Variants in CACNA1C observed in about 807,000 individuals in gnomAD.
CACNA1C encodes the protein calcium voltage-gated channel subunit alpha1 C.
CACNA1C carries 30 observed loss-of-function variants against 229.0 expected under a neutral mutation model. That is an observed-to-expected ratio of 0.13 (90% CI 0.10 to 0.18). The LOEUF (loss-of-function observed/expected upper bound fraction) is 0.18, where lower values mean the gene tolerates loss of function less well. Among genes scored for constraint, CACNA1C ranks in the 10% least tolerant of loss-of-function variants. CACNA1C has a pLI of 1.00. For synonymous variants in CACNA1C, 1,114 were observed against 1,132.5 expected (o/e 0.98, Z 0.33); for missense variants, 1,658 against 2,845.0 (o/e 0.58, Z 9.49).
At chr12:2,274,671 G>A (rs984009063) in intron 3 of CACNA1C, among the ~76,000 whole-genome samples, 12 of 152,234 alleles carry the variant, frequency 7.9e-5, no homozygotes, top group Admixed American at 5.2e-4. Flanking sequence ...TGGAACTCAC[G>A]TAGTTTGCCC....
At chr12:2,320,980 A>T (rs1009429860) in intron 3 of CACNA1C, among the ~76,000 whole-genome samples, 28 of 152,302 alleles carry the variant, frequency 1.8e-4, no homozygotes, top group Middle Eastern at 6.8e-3. Flanking sequence ...CCATCACCAC[A>T]CGGATGCTGC....
rs1052328119 is a variant in CACNA1C, at chr12:2,630,991, C to A, written c.3829-3306C>A. ...TCTGTCTGCACATATACAAAGAAAT[C>A]TGGGAGAAAGGGTGACCAGGGGTGC... On this transcript the variant is annotated intron_variant, in intron 29 of 46. Transcript: ENST00000399655. The surrounding 1 kb of genome is among the most constrained non-coding windows in gnomAD (Gnocchi z 5.4). Among the ~76,000 whole-genome samples, 1 of 152,120 alleles carries A rather than the reference C, an allele frequency of 6.6e-6. No individual in the cohort carries two copies. Among genetic ancestry groups the A allele is most frequent in the Non-Finnish European group, 1.5e-5 (1 of 68,026 alleles).
rs1027912324 is a variant in CACNA1C, at chr12:2,215,287, C to T, written c.477+94857C>T. Among the ~76,000 whole-genome samples, 3 of 152,146 alleles carry T rather than the reference C, an allele frequency of 2.0e-5. No individual in the cohort carries two copies. The highest frequency in any genetic ancestry group is 6.5e-5 in the Admixed American group (1 of 15,288). On this transcript the variant is annotated intron_variant, in intron 3 of 46. Transcript: ENST00000399655. This position sits in a 1 kb window ranked among gnomAD's most constrained non-coding sequence, Gnocchi z 5.0. ...TTGTCCTTTGCACTTCCTCATCATTCCCTTTCTGCGAGCTTGCCCACTTGC... is the reference window on the plus strand; with the variant it reads ...TTGTCCTTTGCACTTCCTCATCATTTCCTTTCTGCGAGCTTGCCCACTTGC...
At chr12:2,207,403 C>T (rs2097783312) in intron 3 of CACNA1C, among the ~76,000 whole-genome samples, 2 of 152,168 alleles carry the variant, frequency 1.3e-5, no homozygotes, top group South Asian at 2.1e-4. Flanking sequence ...ATATAATAGA[C>T]ATTATGCTGT....
At chr12:2,305,187 T>C (rs7966042) in intron 3 of CACNA1C, among the ~76,000 whole-genome samples, 9,372 of 152,242 alleles carry the variant, frequency 0.062, 379 homozygotes, top group African/African-American at 0.11. Flanking sequence ...TGGTTTTGCT[T>C]TTGCCCCCTA....
At chr12:2,295,416 C>T (rs991575360) in intron 3 of CACNA1C, among the ~76,000 whole-genome samples, 2 of 152,168 alleles carry the variant, frequency 1.3e-5, no homozygotes, top group African/African-American at 4.8e-5. Context: ...AACGTCCTTC[C>T]TTACTGTGCA....
At position 2,619,227 on chromosome 12, in the gene CACNA1C, A is replaced by G. The variant is rs137964751; in HGVS notation, c.3828+7214A>G. 2.9e-3 allele frequency among the ~76,000 whole-genome samples: 441 copies of G among 152,296 alleles called. 1 individual carries two copies. Among genetic ancestry groups the G allele is most frequent in the Non-Finnish European group, 5.0e-3 (343 of 68,020 alleles). ...TTCCATGTCTGTTTCTCTGTAAAGT[A>G]GGAAGACTGCCTTAGCATACTGTGG... On this transcript the variant is annotated intron_variant, in intron 29 of 46. Coordinates refer to ENST00000399655, the MANE Select transcript of CACNA1C (RefSeq NM_000719.7).
At chr12:2,523,354 A>G (rs2154580792) in intron 9 of CACNA1C, among the ~76,000 whole-genome samples, 1 of 152,238 alleles carries the variant, frequency 6.6e-6, no homozygotes, top group South Asian at 2.1e-4. Flanking sequence ...CAATTCCGTG[A>G]CCTATCCGAT....
chr12:2,291,024 A>G (rs914789803), intron 3 of CACNA1C, among the ~76,000 whole-genome samples: 1 of 152,178 alleles, frequency 6.6e-6, no homozygotes, highest in Admixed American at 6.5e-5. Context: ...CCCCAGTTCT[A>G]CCAATTCCAG....
intron 3 of CACNA1C, among the ~76,000 whole-genome samples, chr12:2,446,310 T>G (rs2099278723): frequency 8.1e-6 from 1 of 123,346 alleles, no homozygotes; most frequent in Admixed American, 8.3e-5. Context: ...TGGGTGGATG[T>G]ATAGATGGGT....
chr12:2,303,402 C>G (rs2094737535), intron 3 of CACNA1C, among the ~76,000 whole-genome samples: 1 of 152,154 alleles, frequency 6.6e-6, no homozygotes. Context: ...CTTCCCCTTT[C>G]TACAAAGACG....
intron 1 of CACNA1C, among the ~76,000 whole-genome samples, chr12:2,040,887 T>C (rs1037243220): frequency 3.3e-5 from 5 of 152,264 alleles, no homozygotes; most frequent in African/African-American, 1.2e-4. Context: ...AGGGAACTGA[T>C]ACTCAAAGAA....
intron 44 of CACNA1C, 25 bp from the exon 45 acceptor site, chr12:2,686,141 G>C (rs376446099): frequency 1.8e-5 from 28 of 1,586,454 alleles, no homozygotes; most frequent in Admixed American, 3.3e-5. Flanking sequence ...CTGCCCTGAT[G>C]GTGGCTCTCT....
At chr12:1,980,145 C>T (rs1218557305) in intron 1 of CACNA1C, among the ~76,000 whole-genome samples, 1 of 152,116 alleles carries the variant, frequency 6.6e-6, no homozygotes, top group Non-Finnish European at 1.5e-5. Context: ...CATACATATC[C>T]ACCTAAAAAA....
At chr12:2,480,642 G>A (rs1046248859) in intron 5 of CACNA1C, among the ~76,000 whole-genome samples, 19 of 152,170 alleles carry the variant, frequency 1.2e-4, no homozygotes, top group African/African-American at 4.1e-4. Context: ...TTCCTGTCAT[G>A]GCAAACTCTG....
intron 9 of CACNA1C, among the ~76,000 whole-genome samples, chr12:2,539,913 A>C (rs896271597): frequency 6.6e-6 from 1 of 152,210 alleles, no homozygotes; most frequent in East Asian, 1.9e-4. Flanking sequence ...CAGCAAGTAC[A>C]GTACCCCAGG....
At chr12:2,042,233 C>G (rs73044457) in intron 1 of CACNA1C, among the ~76,000 whole-genome samples, 6 of 152,050 alleles carry the variant, frequency 3.9e-5, no homozygotes, top group African/African-American at 1.2e-4. Flanking sequence ...TACCCTAATA[C>G]GATATATTTT....
intron 3 of CACNA1C, among the ~76,000 whole-genome samples, chr12:2,434,983 G>A (rs374697506): frequency 2.0e-5 from 3 of 152,184 alleles, no homozygotes; most frequent in African/African-American, 4.8e-5. Context: ...CCAAGTCAAC[G>A]TGGATGTTAG....
At chr12:2,263,180 C>T (rs1270059664) in intron 3 of CACNA1C, among the ~76,000 whole-genome samples, 2 of 151,614 alleles carry the variant, frequency 1.3e-5, no homozygotes, top group Non-Finnish European at 2.9e-5. Flanking sequence ...AGAGGGCATT[C>T]AAGGGAGCAG....
Sources: allele counts gnomAD v4.1 joint callset (sites outside exome capture counted in the v4.1 genomes callset), GRCh38; gene constraint gnomAD v4.1.1; non-coding constraint Gnocchi (gnomAD v3.1); transcripts MANE v1.5; gene names NCBI Gene and HGNC (gene_info 2026-07-23, HGNC 2026-07-21).